Variants in LRGUK observed in about 807,000 individuals in gnomAD.
LRGUK encodes the protein leucine-rich repeat and guanylate kinase domain-containing protein.
A neutral mutation model predicts 76.0 loss-of-function variants in LRGUK; 65 were observed. The observed-to-expected ratio is 0.85, with a 90% CI of 0.70 to 1.05. The LOEUF is 1.05. LRGUK is among the 50% of genes least tolerant of loss of function. The probability of loss-of-function intolerance (pLI) is 0.00; values close to 1 mark genes in which losing one functional copy is unlikely to be tolerated. For synonymous variants in LRGUK, 268 were observed against 265.6 expected (o/e 1.01, Z -0.09); for missense variants, 758 against 732.8 (o/e 1.03, Z -0.40).
intron 1 of LRGUK, among the ~76,000 whole-genome samples, chr7:134,130,727 G>A (rs946241971): frequency 6.6e-6 from 1 of 152,154 alleles, no homozygotes; most frequent in African/African-American, 2.4e-5. Flanking sequence ...TGCCTTTAAT[G>A]CAATTTGCCT....
At chr7:134,186,435 A>C (rs1490834239) in intron 11 of LRGUK, among the ~76,000 whole-genome samples, 1 of 152,228 alleles carries the variant, frequency 6.6e-6, no homozygotes, top group Non-Finnish European at 1.5e-5. Context: ...CTTGTTCACC[A>C]TTGAGTTCTC....
chr7:134,148,460 G>T, intron 5 of LRGUK, 141 bp downstream of exon 5: 1 of 592,278 alleles, frequency 1.7e-6, no homozygotes, highest in Non-Finnish European at 2.9e-6. Flanking sequence ...AAAGGACTAG[G>T]AATTGGTATT....
At chr7:134,188,892 T>C (rs1332577301) in intron 11 of LRGUK, among the ~76,000 whole-genome samples, 1 of 152,218 alleles carries the variant, frequency 6.6e-6, no homozygotes, top group African/African-American at 2.4e-5. Context: ...TAAATCTGCA[T>C]GCGTCTGAAT....
intron 6 of LRGUK, among the ~76,000 whole-genome samples, chr7:134,161,970 G>A (rs922607619): frequency 5.3e-5 from 8 of 152,122 alleles, no homozygotes; most frequent in African/African-American, 1.9e-4. Flanking sequence ...GGGATTACAG[G>A]CCCGGCCAAG....
At chr7:134,195,499 A>T (rs1043418292) in intron 12 of LRGUK, among the ~76,000 whole-genome samples, 1 of 152,178 alleles carries the variant, frequency 6.6e-6, no homozygotes, top group African/African-American at 2.4e-5. Flanking sequence ...TAATTTTGCA[A>T]TGGAGGTTTC....
At chr7:134,184,628 G>A (rs1799906404) in intron 11 of LRGUK, among the ~76,000 whole-genome samples, 1 of 152,030 alleles carries the variant, frequency 6.6e-6, no homozygotes, top group Admixed American at 6.6e-5. Context: ...TGACTCCCCT[G>A]CTCCCTGCTT....
intron 12 of LRGUK, among the ~76,000 whole-genome samples, chr7:134,192,308 A>T (rs568396409): frequency 6.6e-6 from 1 of 152,320 alleles, no homozygotes; most frequent in Admixed American, 6.5e-5. Flanking sequence ...TCAGTCCTGG[A>T]GGCCAAGCAG....
intron 7 of LRGUK, among the ~76,000 whole-genome samples, chr7:134,171,355 T>G (rs1003852296): frequency 1.3e-5 from 2 of 151,926 alleles, no homozygotes; most frequent in Admixed American, 6.6e-5. Flanking sequence ...GAAAAAAATT[T>G]TAATGGTTGT....
intron 6 of LRGUK, 111 bp from the exon 7 acceptor site, chr7:134,163,286 T>G (rs1798829378): frequency 1.1e-6 from 1 of 949,314 alleles, no homozygotes; most frequent in African/African-American, 1.6e-5. Context: ...CAAGAATGCC[T>G]TCTTGATTTT....
At chr7:134,228,107 G>A (rs1801805104) in intron 16 of LRGUK, among the ~76,000 whole-genome samples, 1 of 152,114 alleles carries the variant, frequency 6.6e-6, no homozygotes, top group Non-Finnish European at 1.5e-5. Flanking sequence ...CTAAAGAGCA[G>A]TCATAGGGGA....
intron 17 of LRGUK, 37 bp from the exon 18 acceptor site, chr7:134,248,914 C>T: frequency 1.5e-6 from 2 of 1,360,818 alleles, no homozygotes; most frequent in Non-Finnish European, 1.9e-6. Flanking sequence ...TTACAAAATC[C>T]TTTGGTTTTT....
chr7:134,150,292 C>CA (rs1324673844), intron 5 of LRGUK, among the ~76,000 whole-genome samples: 74 of 125,616 alleles, frequency 5.9e-4, no homozygotes, highest in South Asian at 1.8e-3. Flanking sequence ...ACAAAAAAAA[C>CA]AAAAAAAAAC....
intron 15 of LRGUK, among the ~76,000 whole-genome samples, chr7:134,201,846 G>T (rs575342740): frequency 2.0e-5 from 3 of 152,212 alleles, no homozygotes; most frequent in African/African-American, 7.2e-5. Flanking sequence ...AATAGATAAG[G>T]GTTAACCTCA....
intron 5 of LRGUK, among the ~76,000 whole-genome samples, chr7:134,156,718 AT>A (rs899499004): frequency 5.1e-4 from 78 of 152,356 alleles, no homozygotes; most frequent in African/African-American, 1.5e-3. Context: ...TAATTGAAAC[AT>A]GATATTCAAT....
chr7:134,157,812 C>T (rs558976460), intron 5 of LRGUK, among the ~76,000 whole-genome samples: 7 of 152,208 alleles, frequency 4.6e-5, no homozygotes, highest in Admixed American at 1.3e-4. Flanking sequence ...CGTGAGCCAC[C>T]GCACCCAGCC....
intron 12 of LRGUK, among the ~76,000 whole-genome samples, chr7:134,196,133 C>G (rs1282321840): frequency 6.6e-6 from 1 of 152,182 alleles, no homozygotes; most frequent in Non-Finnish European, 1.5e-5. Context: ...TTGTTTATTT[C>G]AAAATCACAT....
chr7:134,171,626 A>G (rs1003952091), intron 7 of LRGUK, among the ~76,000 whole-genome samples: 7 of 152,116 alleles, frequency 4.6e-5, no homozygotes, highest in Non-Finnish European at 8.8e-5. Flanking sequence ...ACTATCGTCA[A>G]TAGGGGCAAA....
chr7:134,185,543 AT>A (rs112707564), intron 11 of LRGUK, among the ~76,000 whole-genome samples: 28 of 150,474 alleles, frequency 1.9e-4, no homozygotes, highest in African/African-American at 5.8e-4. Flanking sequence ...AAAAAAAAAG[AT>A]TTTTTTTTAG....
rs570148950 is a variant in LRGUK, at chr7:134,209,616, C to T, written c.2753C>T (p.Pro918Leu). Residue 918 changes from proline (P) to leucine (L), a missense_variant, in exon 16 of 16, where the codon CCC becomes CTC. Pro to Leu is a moderately conservative substitution (Grantham distance 98). Coordinates refer to ENST00000645682, the Ensembl canonical transcript of LRGUK. The stretch of plus-strand genomic sequence containing the variant: ...AGGCCCACACCCAAACTCCTATCGC[C>T]CAGCAGGGAAGAGGCTTTAGGAACA... 99 of 399,164 alleles carry T rather than the reference C, an allele frequency of 2.5e-4. No individual in the cohort carries two copies. In the South Asian group the frequency reaches 2.7e-3, roughly 11 times the overall value. 24.7% of individuals were successfully genotyped at this position (399,164 alleles called of 1,614,324 possible).
Sources: gnomAD v4.1 joint callset for allele counts (sites outside exome capture counted in the v4.1 genomes callset) on GRCh38, gnomAD v4.1.1 for gene constraint, MANE v1.5 for transcripts, NCBI Gene and HGNC (gene_info 2026-07-23, HGNC 2026-07-21) for gene names.